Variants in PSPC1 observed in about 807,000 individuals in gnomAD.
PSPC1 encodes the protein paraspeckle protein 1.
Under a neutral mutation model 51.6 loss-of-function variants are expected in PSPC1, and 14 were observed. The ratio of observed to expected loss-of-function variants is 0.27; its 90% CI spans 0.18 to 0.42. The LOEUF (loss-of-function observed/expected upper bound fraction) is 0.42. Ranked by LOEUF, PSPC1 falls within the 10% of genes least tolerant of loss-of-function variation. The pLI is 1.00. For synonymous variants in PSPC1, 193 were observed against 231.9 expected (o/e 0.83, Z 1.53); for missense variants, 406 against 701.1 (o/e 0.58, Z 4.75).
At position 19,708,196 on chromosome 13, in the gene PSPC1, A is replaced by G. The variant is rs541165016; in HGVS notation, c.1216+1346T>C. ...GAAAAACTGGCAACAGAAGTTTAAG[A>G]AAAAAAAGCTGATCATGGAAAATGT... On this transcript the variant is annotated intron_variant, in intron 7 of 8. Coordinates refer to ENST00000338910, the MANE Select transcript of PSPC1 (RefSeq NM_001354909.2). Among the ~76,000 whole-genome samples, 7 of 152,196 alleles carry G rather than the reference A, an allele frequency of 4.6e-5. No homozygotes were observed. The South Asian group carries it at 1.2e-3, about 27-fold the overall frequency.
intron 6 of PSPC1, among the ~76,000 whole-genome samples, chr13:19,696,441 C>G (rs1348370866): frequency 6.6e-6 from 1 of 151,776 alleles, no homozygotes; most frequent in Non-Finnish European, 1.5e-5. Flanking sequence ...TCATTATGAA[C>G]CAATTTAATT....
intron 2 of PSPC1, among the ~76,000 whole-genome samples, chr13:19,769,451 A>G (rs1888406922): frequency 6.6e-6 from 1 of 152,320 alleles, no homozygotes; most frequent in Non-Finnish European, 1.5e-5. Flanking sequence ...GCTACTCGGG[A>G]GGCTGAGGCA....
intron 6 of PSPC1, among the ~76,000 whole-genome samples, chr13:19,715,767 A>ATAATC (rs1399058961): frequency 3.9e-5 from 6 of 152,154 alleles, no homozygotes; most frequent in Admixed American, 3.9e-4. Flanking sequence ...TAATCCCAGC[A>ATAATC]CTTTGGGAGG....
intron 2 of PSPC1, among the ~76,000 whole-genome samples, chr13:19,763,524 G>A (rs936082691): frequency 1.3e-5 from 2 of 152,160 alleles, no homozygotes; most frequent in African/African-American, 2.4e-5. Flanking sequence ...TGAGGCCCTG[G>A]GGTTTACAGC....
intron 1 of PSPC1, among the ~76,000 whole-genome samples, chr13:19,781,841 G>C (rs983680827): frequency 6.6e-6 from 1 of 152,190 alleles, no homozygotes; most frequent in African/African-American, 2.4e-5. Flanking sequence ...ATATAGGTGT[G>C]GTTGAAGCCA....
At chr13:19,693,316 C>T (rs1293876891) in intron 6 of PSPC1, among the ~76,000 whole-genome samples, 2 of 152,338 alleles carry the variant, frequency 1.3e-5, no homozygotes, top group South Asian at 4.1e-4. Flanking sequence ...TTTCAAAGAA[C>T]TTTCTATGCC....
chr13:19,782,612 G>A lies in PSPC1; in HGVS notation c.146C>T (p.Ala49Val), dbSNP rs1179471895. Residue 49 changes from alanine to valine, a missense_variant, in exon 1 of 9, where the codon GCG becomes GTG. Ala to Val is a moderately conservative substitution (Grantham distance 64). Around this residue, in one of 5 missense-constraint regions of PSPC1, gnomAD observed 128 missense variants for 107.1 expected, o/e 1.20. Coordinates refer to ENST00000338910, the MANE Select transcript of PSPC1 (RefSeq NM_001354909.2). This position sits in a 1 kb window ranked among gnomAD's most constrained non-coding sequence, Gnocchi z 4.5. ...CGGGTGGTCCTCTGGAGGCGCGGGC[G>A]CGGGCGGTGCCGGCTCCCCGGCAAG... ...LALAGEPAPP[A>V]PAPPEDHPDE... 2.5e-6 allele frequency: 4 copies of A among 1,578,872 alleles called. No individual in the cohort carries two copies. The highest frequency in any genetic ancestry group is 3.7e-5 in the Admixed American group (2 of 54,518).
chr13:19,687,531 T>C (rs140702145), intron 6 of PSPC1, among the ~76,000 whole-genome samples: 400 of 152,348 alleles, frequency 2.6e-3, no homozygotes, highest in Non-Finnish European at 4.3e-3. Flanking sequence ...CAGGATTTCC[T>C]GTGCTGAACC....
chr13:19,693,002 C>T (rs572174020), intron 6 of PSPC1, among the ~76,000 whole-genome samples: 3 of 152,258 alleles, frequency 2.0e-5, no homozygotes, highest in Admixed American at 6.5e-5. Context: ...CTTATCCTTA[C>T]TCGCAGTCAC....
chr13:19,714,753 C>A (rs908702091), intron 6 of PSPC1, among the ~76,000 whole-genome samples: 2 of 152,078 alleles, frequency 1.3e-5, no homozygotes, highest in African/African-American at 2.4e-5. Context: ...CCTCAACCCC[C>A]CAAAGTGCTG....
chr13:19,699,142 A>G (rs1879611110), downstream of PSPC1, among the ~76,000 whole-genome samples: 1 of 151,976 alleles, frequency 6.6e-6, no homozygotes, highest in Admixed American at 6.6e-5. Flanking sequence ...CAAGGAAACA[A>G]AAACAAATTC....
chr13:19,736,326 T>G (rs1053831132), intron 5 of PSPC1, among the ~76,000 whole-genome samples: 1 of 152,240 alleles, frequency 6.6e-6, no homozygotes, highest in Admixed American at 6.5e-5. Flanking sequence ...TAATTGAATT[T>G]TAGATTAAAT....
At chr13:19,744,168 C>T (rs573597173) in intron 4 of PSPC1, among the ~76,000 whole-genome samples, 2 of 152,276 alleles carry the variant, frequency 1.3e-5, no homozygotes, top group South Asian at 4.1e-4. Context: ...CAGGGTCTCA[C>T]TCTGGCACCC....
intron 6 of PSPC1, among the ~76,000 whole-genome samples, chr13:19,681,170 A>G (rs969288552): frequency 9.2e-5 from 14 of 152,156 alleles, no homozygotes; most frequent in African/African-American, 3.4e-4. Flanking sequence ...AGCTATGATC[A>G]AGCCACTGCA....
chr13:19,746,992 C>T (rs958324561), intron 4 of PSPC1, among the ~76,000 whole-genome samples: 4 of 151,886 alleles, frequency 2.6e-5, no homozygotes, highest in Admixed American at 2.0e-4. Flanking sequence ...CCTGTAATCC[C>T]AGCTACTCAA....
At position 19,742,477 on chromosome 13, in the gene PSPC1, A is replaced by G. The variant is rs191526681; in HGVS notation, c.968-828T>C. ...ATCAGGGCCAGGTGTGGTGCCTCAC[A>G]GGTGGAATCTCAACACTTTGGGAGG... On this transcript the variant is annotated intron_variant, in intron 4 of 8. Coordinates refer to ENST00000338910, the MANE Select transcript of PSPC1 (RefSeq NM_001354909.2). Among the ~76,000 whole-genome samples, 702 of 151,592 alleles carry G rather than the reference A, an allele frequency of 4.6e-3. 4 individuals are homozygous for G. The highest frequency in any genetic ancestry group is 0.027 in the South Asian group (127 of 4,776).
downstream of PSPC1, chr13:19,672,054 C>T (rs936796290): frequency 1.6e-5 from 10 of 627,600 alleles, no homozygotes; most frequent in East Asian, 2.7e-5. Context: ...GCCAGTATGC[C>T]GGAATCTCAG....
At chr13:19,704,586 CCAAA>C (rs1880411594) in intron 8 of PSPC1, among the ~76,000 whole-genome samples, 1 of 152,214 alleles carries the variant, frequency 6.6e-6, no homozygotes, top group South Asian at 2.1e-4. Context: ...AAATAGATAA[CCAAA>C]CAATTTCCCT....
At chr13:19,739,463 T>C (rs1200672134) in intron 5 of PSPC1, among the ~76,000 whole-genome samples, 1 of 151,968 alleles carries the variant, frequency 6.6e-6, no homozygotes, top group African/African-American at 2.4e-5. Context: ...ATAGAAAAGA[T>C]CTGGCCGGGC....
Sources: allele counts gnomAD v4.1 joint callset (sites outside exome capture counted in the v4.1 genomes callset), GRCh38; gene constraint gnomAD v4.1.1; regional missense constraint gnomAD v4.1.1; non-coding constraint Gnocchi (gnomAD v3.1); transcripts MANE v1.5; gene names NCBI Gene and HGNC (gene_info 2026-07-23, HGNC 2026-07-21).